The following FAT1 variants were observed in gnomAD, a reference collection of about 807,000 sequenced individuals.
The protein encoded by FAT1 is FAT atypical cadherin 1.
In FAT1, 171 loss-of-function variants were observed where a neutral mutation model predicts 329.8. That is an observed-to-expected ratio of 0.52 (90% CI 0.46 to 0.59). FAT1 has a LOEUF of 0.59. Among genes scored for constraint, FAT1 ranks in the 20% least tolerant of loss-of-function variants. The pLI is 0.00. For missense variants in FAT1, 5,672 were observed against 5,774.4 expected, an observed-to-expected ratio of 0.98 and a Z score of 0.57; for synonymous variants, 2,233 against 2,228.6, an observed-to-expected ratio of 1.00 and a Z score of -0.06.
rs371465807 is a variant in FAT1 at position 186,721,385 on chromosome 4, T to C, written c.-19+2279A>G. ...GATGTATATCACTCATTTCAAAAAC[T>C]CTTCTCCAGTGTCTAAGGATAAATA... On this transcript the variant is annotated intron_variant, in intron 1 of 26. Coordinates refer to ENST00000441802, the MANE Select transcript of FAT1 (RefSeq NM_005245.4). Among the ~76,000 whole-genome samples, 58 of 152,370 alleles carry C rather than the reference T, an allele frequency of 3.8e-4. No individual in the cohort carries two copies. The Middle Eastern group carries it at 0.014, about 36-fold the overall frequency.
Position 186,663,429 on chromosome 4 carries a change from T to C in FAT1, c.3450A>G (p.Glu1150=). Residue 1150 remains glutamate, a synonymous_variant, in exon 3 of 27, where the codon GAA becomes GAG. Coordinates refer to ENST00000441802, the MANE Select transcript of FAT1 (RefSeq NM_005245.4). ...CCACAGATACATCTTTAGGAGAATT[T>C]TCCATGATTTCTGGGTAATAAACAG... is the stretch of plus-strand genomic sequence containing the variant. The part of the protein sequence containing the change: ...SEPVYYPEIM[E]NSPKDVSVVQ... The C allele has an allele frequency of 6.2e-7, 1 of 1,614,030 alleles. No individual in the cohort carries two copies. The highest frequency in any genetic ancestry group is 8.5e-7 in the Non-Finnish European group (1 of 1,179,900).
intron 26 of FAT1, among the ~76,000 whole-genome samples, chr4:186,594,676 G>GTA (rs60074549): frequency 0.3 from 38,255 of 127,758 alleles, 5,700 homozygotes; most frequent in Middle Eastern, 0.38. Context: ...ATACTTGAAA[G>GTA]TATATATATA....
Position 186,709,779 on chromosome 4 carries a change from G to C in FAT1, c.49C>G (p.His17Asp), listed in dbSNP as rs750299667. The change falls in exon 2 of 27, where the codon CAT (histidine) becomes GAT (aspartate). Residue 17 changes from histidine (H) to aspartate (D), a missense_variant. Physicochemically the swap from His to Asp is moderately conservative, Grantham distance 81. Transcript: ENST00000441802. Reference sequence around the variant, plus strand: ...TGGCTGCCATCACTGTCTCCAAAATGTTGGAAGAGAAGGAGCAGAAGCAGG... The same window carrying C: ...TGGCTGCCATCACTGTCTCCAAAATCTTGGAAGAGAAGGAGCAGAAGCAGG... ...LLLLLLLLFQ[H>D]FGDSDGSQRL... 1 of 1,611,886 alleles carries C rather than the reference G, an allele frequency of 6.2e-7. No homozygotes were observed. The highest frequency in any genetic ancestry group is 1.7e-5 in the Admixed American group (1 of 59,696).
At chr4:186,669,599 A>C (rs920099780) in intron 2 of FAT1, among the ~76,000 whole-genome samples, 3 of 152,240 alleles carry the variant, frequency 2.0e-5, no homozygotes, top group African/African-American at 7.2e-5. Flanking sequence ...TTATCATTCC[A>C]AACATACTCT....
intron 3 of FAT1, among the ~76,000 whole-genome samples, chr4:186,640,685 T>C (rs1741047846): frequency 6.6e-6 from 1 of 152,202 alleles, no homozygotes; most frequent in African/African-American, 2.4e-5. Context: ...CCTATCAAAC[T>C]AGAATATCTA....
At chr4:186,639,837 T>C (rs1173750981) in intron 3 of FAT1, 54 bp from the exon 4 acceptor site, 1 of 1,417,718 alleles carries the variant, frequency 7.1e-7, no homozygotes, top group East Asian at 2.3e-5. Flanking sequence ...AATTACAAAA[T>C]ACTGCAATTA....
chr4:186,633,243 G>A (rs908656876), intron 7 of FAT1, among the ~76,000 whole-genome samples: 4 of 152,086 alleles, frequency 2.6e-5, no homozygotes, highest in Non-Finnish European at 4.4e-5. Flanking sequence ...AGGTGGTAAA[G>A]GAATTATTAG....
intron 2 of FAT1, among the ~76,000 whole-genome samples, chr4:186,694,359 CT>C (rs1743928299): frequency 6.6e-6 from 1 of 152,160 alleles, no homozygotes; most frequent in East Asian, 1.9e-4. Flanking sequence ...TAAAGAGTTA[CT>C]TTTAAATAGA....
chr4:186,663,201 G>C (rs766368846), intron 3 of FAT1, 98 bp downstream of exon 3: 3 of 980,244 alleles, frequency 3.1e-6, no homozygotes, highest in Non-Finnish European at 4.5e-6. Context: ...AATTTATCAA[G>C]AAACAAAAGT....
chr4:186,599,469 G>A (rs1360870672), intron 22 of FAT1, among the ~76,000 whole-genome samples: 2 of 152,112 alleles, frequency 1.3e-5, no homozygotes, highest in African/African-American at 2.4e-5. Context: ...AGGGCCTTCT[G>A]GAAAATCATA....
At position 186,620,253 on chromosome 4, in the gene FAT1, G is replaced by A; in HGVS notation, c.6333C>T (p.Gly2111=). 3 of 1,613,970 alleles carry A rather than the reference G, an allele frequency of 1.9e-6. No individual in the cohort carries two copies. Among genetic ancestry groups the A allele is most frequent in the Admixed American group, 1.7e-5 (1 of 60,016 alleles). ...GGTAGTAATGCACTTCCCCGTTTCT[G>A]CCACTGTCTCTGTCTACAGCAGTGA... ...RYVTAVDRDS[G]RNGEVHYYLK... The change falls in exon 10 of 27, where the codon GGC becomes GGT. Residue 2111 remains glycine, a synonymous_variant. Transcript: ENST00000441802.
At chr4:186,690,739 T>A (rs1291689744) in intron 2 of FAT1, among the ~76,000 whole-genome samples, 1 of 151,928 alleles carries the variant, frequency 6.6e-6, no homozygotes, top group Non-Finnish European at 1.5e-5. Context: ...GTCACAAATA[T>A]CTTTAAGGCA....
intron 2 of FAT1, among the ~76,000 whole-genome samples, chr4:186,673,764 A>T (rs1742833373): frequency 6.6e-6 from 1 of 152,206 alleles, no homozygotes; most frequent in Non-Finnish European, 1.5e-5. Flanking sequence ...AAGCCCAGGG[A>T]TTTCTTTAGC....
intron 2 of FAT1, among the ~76,000 whole-genome samples, chr4:186,673,002 G>A (rs935368307): frequency 6.6e-6 from 1 of 152,098 alleles, no homozygotes; most frequent in Non-Finnish European, 1.5e-5. Flanking sequence ...TACATACACA[G>A]CTTCAAAAAA....
chr4:186,638,678 C>G (rs1252067485), intron 4 of FAT1, among the ~76,000 whole-genome samples: 1 of 151,854 alleles, frequency 6.6e-6, no homozygotes, highest in African/African-American at 2.4e-5. Context: ...TAAGTATTTA[C>G]TGACAACGTT....
At chr4:186,723,283 G>A (rs1353373568) in intron 1 of FAT1, among the ~76,000 whole-genome samples, 2 of 152,240 alleles carry the variant, frequency 1.3e-5, no homozygotes, top group Non-Finnish European at 2.9e-5. Flanking sequence ...GCCCCGCGCA[G>A]GCCTCCCGCG....
At position 186,708,387 on chromosome 4, in the gene FAT1, T is replaced by A. The variant is rs371286995; in HGVS notation, c.1441A>T (p.Thr481Ser). 1 of 1,613,812 alleles carries A rather than the reference T, an allele frequency of 6.2e-7. No individual in the cohort carries two copies. The highest frequency in any genetic ancestry group is 1.3e-5 in the African/African-American group (1 of 74,900). Reference sequence around the variant, plus strand: ...TCTACGGCACTCAGGCTCATGACAGTAGTACCAATGGGCACGTTCTCATCA... The same window carrying A: ...TCTACGGCACTCAGGCTCATGACAGAAGTACCAATGGGCACGTTCTCATCA... Reference protein sequence around the residue: ...AFDENVPIGTTVMSLSAVDPD... With the variant: ...AFDENVPIGTSVMSLSAVDPD... Residue 481 changes from threonine (T) to serine (S), a missense_variant, in exon 2 of 27, where the codon ACT (threonine) becomes TCT (serine). Physicochemically the swap from Thr to Ser is moderately conservative, Grantham distance 58. Coordinates refer to ENST00000441802, the MANE Select transcript of FAT1 (RefSeq NM_005245.4).
intron 2 of FAT1, among the ~76,000 whole-genome samples, chr4:186,673,229 G>A (rs1742811957): frequency 6.6e-6 from 1 of 152,130 alleles, no homozygotes; most frequent in African/African-American, 2.4e-5. Context: ...TTTTTAATCT[G>A]TAAATTTCTG....
intron 2 of FAT1, among the ~76,000 whole-genome samples, chr4:186,689,094 G>T (rs1743627960): frequency 6.6e-6 from 1 of 152,212 alleles, no homozygotes; most frequent in African/African-American, 2.4e-5. Context: ...GTTAGCAATT[G>T]TGGAAGCCCA....
Sources: allele counts gnomAD v4.1 joint callset (sites outside exome capture counted in the v4.1 genomes callset), GRCh38; gene constraint gnomAD v4.1.1; transcripts MANE v1.5; gene names NCBI Gene and HGNC (gene_info 2026-07-23, HGNC 2026-07-21).